Variants in CCDC183 observed in about 807,000 individuals in gnomAD.
The protein encoded by CCDC183 is coiled-coil domain containing 183.
In CCDC183, 63 loss-of-function variants were observed where a neutral mutation model predicts 65.2. That is an observed-to-expected ratio of 0.97 (90% confidence interval 0.79 to 1.19). CCDC183 has a LOEUF of 1.19. CCDC183 is among the 50% of genes most tolerant of loss of function. The pLI, the probability that CCDC183 is intolerant of heterozygous loss-of-function variation, is 0.00. For missense variants in CCDC183, 769 were observed against 689.3 expected, an observed-to-expected ratio of 1.12 and a Z score of -1.30; for synonymous variants, 323 against 276.5, an observed-to-expected ratio of 1.17 and a Z score of -1.67.
rs766627085 is a variant in CCDC183, at chr9:136,806,703, C to G, written c.1278+31C>G. On this transcript the variant is annotated intron_variant, in intron 11 of 13. Transcript: ENST00000338005. Reference sequence around the variant, plus strand: ...GGGAGTGAGGCTGAGCTGCCACACACCAGGTCCCTGGGCAGGGCCAGAGGG... The same window carrying G: ...GGGAGTGAGGCTGAGCTGCCACACAGCAGGTCCCTGGGCAGGGCCAGAGGG... 403 of 1,613,356 alleles carry G rather than the reference C, an allele frequency of 2.5e-4. 1 individual carries two copies. Among genetic ancestry groups the G allele is most frequent in the Non-Finnish European group, 4.2e-5 (50 of 1,179,968 alleles).
At chr9:136,800,317 G>T in intron 4 of CCDC183, 72 bp from the exon 5 acceptor site, 1 of 1,496,588 alleles carries the variant, frequency 6.7e-7, no homozygotes. Flanking sequence ...CCTCTCCGGA[G>T]AAAACCCAGC....
At position 136,805,443 on chromosome 9, in the gene CCDC183, T is replaced by C; in HGVS notation, c.934T>C (p.Cys312Arg). 6.2e-7 allele frequency: 1 copy of C among 1,613,758 alleles called. No homozygotes were observed. The highest frequency in any genetic ancestry group is 8.5e-7 in the Non-Finnish European group (1 of 1,179,814). The change falls in exon 9 of 14, where the codon TGC (cysteine) becomes CGC (arginine). Residue 312 changes from cysteine to arginine, a missense_variant. Cys to Arg is a radical substitution (Grantham distance 180). Transcript: ENST00000338005. Reference protein sequence around the residue: ...VVEKVKSAVRCSHVWDITSRF... With the variant: ...VVEKVKSAVRRSHVWDITSRF... ...GGAGAAGGTCAAGAGTGCTGTACGG[T>C]GCTCTCACGTCTGGGTAATGCCCCT...
In CCDC183 at chr9:136,804,794, G is replaced by A; in HGVS notation, c.825G>A (p.Leu275=). Residue 275 remains leucine (L), a synonymous_variant, in exon 8 of 14, where the codon CTG becomes CTA. Coordinates refer to ENST00000338005, the MANE Select transcript of CCDC183 (RefSeq NM_001039374.5). The surrounding 1 kb of genome is among the most constrained non-coding windows in gnomAD (Gnocchi z 4.1). Reference sequence around the variant, plus strand: ...TGGACTTGGACTTCCCCTCGAACCTGATGAGCACGGAGACCCTGAAATGTA... The same window carrying A: ...TGGACTTGGACTTCCCCTCGAACCTAATGAGCACGGAGACCCTGAAATGTA... ...GQMDLDFPSN[L]MSTETLKLRR... 4 of 1,613,770 alleles carry A rather than the reference G, an allele frequency of 2.5e-6. No homozygotes were observed. The highest frequency in any genetic ancestry group is 3.4e-6 in the Non-Finnish European group (4 of 1,179,942).
In CCDC183 at chr9:136,800,153, A is replaced by C. The variant is rs1378579438; in HGVS notation, c.422A>C (p.Glu141Ala). The change falls in exon 4 of 14, where the codon GAG (glutamate) becomes GCG (alanine). Residue 141 changes from glutamate (E) to alanine (A), a missense_variant. Transcript: ENST00000338005. ...AGCCAGCCCGACGCCAGCAAGGAGG[A>C]GCTGCGGCTGCTGCAGGTGGAGAGG... is the stretch of plus-strand genomic sequence containing the variant. ...LRSQPDASKEELRLLQIIRQL... is the reference protein window; with the variant it reads ...LRSQPDASKEALRLLQIIRQL... 1.0e-5 allele frequency: 14 copies of C among 1,358,356 alleles called. No individual in the cohort carries two copies. Among genetic ancestry groups the C allele is most frequent in the South Asian group, 6.2e-5 (5 of 81,122 alleles). 84.1% of individuals were successfully genotyped at this position (1,358,356 alleles called of 1,614,324 possible).
chr9:136,806,966 G>C lies in CCDC183; in HGVS notation c.1390-4G>C. ...GCACGGCTGAAGGGGGCTTTGCCCT[G>C]CAGGGCGACACAAAGGTGAGGGACA... On this transcript the variant is annotated splice_region_variant and splice_polypyrimidine_tract_variant and intron_variant, in intron 12 of 13. Transcript: ENST00000338005. 6.2e-7 allele frequency: 1 copy of C among 1,613,672 alleles called. No individual in the cohort carries two copies. Among genetic ancestry groups the C allele is most frequent in the Non-Finnish European group, 8.5e-7 (1 of 1,180,018 alleles).
At chr9:136,805,195 G>A (rs1341338397) in intron 8 of CCDC183, 162 bp from the exon 9 acceptor site, 2 of 630,824 alleles carry the variant, frequency 3.2e-6, no homozygotes, top group Non-Finnish European at 5.6e-6. Context: ...GGGCTGGGCT[G>A]AGGAGGGAGC....
Position 136,804,060 on chromosome 9 carries a change from C to T in CCDC183, c.667-442C>T, listed in dbSNP as rs1847798451. On this transcript the variant is annotated intron_variant, in intron 6 of 13. Transcript: ENST00000338005. The surrounding 1 kb of genome is among the most constrained non-coding windows in gnomAD (Gnocchi z 4.1). ...GCTGAGAACTCCTCAAGAGGCAACC[C>T]CACTAAGCGCTGGCAACGAGAGTGG... 1 of 187,756 alleles carries T rather than the reference C, an allele frequency of 5.3e-6. No individual in the cohort carries two copies. The highest frequency in any genetic ancestry group is 1.1e-5 in the Non-Finnish European group (1 of 88,864). 11.6% of individuals were successfully genotyped at this position (187,756 alleles called of 1,614,324 possible).
At chr9:136,805,798 G>GCA (rs1269604970) in intron 9 of CCDC183, among the ~76,000 whole-genome samples, 16 of 152,124 alleles carry the variant, frequency 1.1e-4, no homozygotes, top group African/African-American at 3.6e-4. Flanking sequence ...TACCCTCTCT[G>GCA]CCTGCCATTA....
intron 8 of CCDC183, chr9:136,805,018 C>T (rs1847817274): frequency 1.6e-6 from 1 of 607,856 alleles, no homozygotes; most frequent in South Asian, 2.0e-5. Flanking sequence ...GCCCCAGCAC[C>T]CAAGGGCCCT....
intron 8 of CCDC183, 97 bp from the exon 9 acceptor site, chr9:136,805,260 C>T: frequency 9.9e-7 from 1 of 1,012,396 alleles, no homozygotes; most frequent in Non-Finnish European, 1.5e-6. Flanking sequence ...GGGTGGCCGC[C>T]CCAGCAGCTG....
chr9:136,805,363 G>GA lies in CCDC183; in HGVS notation c.858dup (p.Glu287ArgfsTer34), dbSNP rs752396335. On this transcript the variant is annotated frameshift_variant, in exon 9 of 14. Transcript: ENST00000338005. LOFTEE classifies it high-confidence loss of function. The stretch of plus-strand genomic sequence containing the variant: ...CTCCCCTCTGCTCTGCCAGTGAGGA[G>GA]AAAAGAGACCTCCACAGCAGAAATG... 2 of 1,613,160 alleles carry GA rather than the reference G, an allele frequency of 1.2e-6. No homozygotes were observed. Among genetic ancestry groups the GA allele is most frequent in the Non-Finnish European group, 1.7e-6 (2 of 1,179,684 alleles).
rs532281379 is a variant in CCDC183 at position 136,806,595 on chromosome 9, G to A, written c.1201G>A (p.Glu401Lys). The change falls in exon 11 of 14, where the codon GAG becomes AAG. Residue 401 changes from glutamate (E) to lysine (K), a missense_variant. Transcript: ENST00000338005. ...LAHSNMTKGQ[E>K]LLLTIQMGID... is the part of the protein sequence containing the mutation. ...GCACAGCAACATGACCAAGGGCCAG[G>A]AGCTGCTGCTGACCATCCAGATGGG... 1.2e-6 allele frequency: 2 copies of A among 1,613,754 alleles called. No individual in the cohort carries two copies. The highest frequency in any genetic ancestry group is 1.3e-5 in the African/African-American group (1 of 75,064).
chr9:136,799,318 C>A, intron 2 of CCDC183, 95 bp downstream of exon 2: 2 of 1,473,196 alleles, frequency 1.4e-6, no homozygotes, highest in Non-Finnish European at 9.0e-7. Context: ...TCCACCCCCA[C>A]CCCAATCTTT....
At chr9:136,803,337 C>A (rs190185110) in intron 6 of CCDC183, among the ~76,000 whole-genome samples, 1 of 152,270 alleles carries the variant, frequency 6.6e-6, no homozygotes, top group East Asian at 1.9e-4. Context: ...TCTCAGGAGA[C>A]CCCCATGCCC....
chr9:136,804,688 G>A lies in CCDC183; in HGVS notation c.792+61G>A, dbSNP rs1847811256. 6.2e-7 allele frequency: 1 copy of A among 1,612,902 alleles called. No individual in the cohort carries two copies. Among genetic ancestry groups the A allele is most frequent in the East Asian group, 2.2e-5 (1 of 44,872 alleles). ...CCCCATGACAGCTGGGTGGACACAG[G>A]CTCAGGGCCACCACTCAGGGCCCAC... On this transcript the variant is annotated intron_variant, in intron 7 of 13. Coordinates refer to ENST00000338005, the MANE Select transcript of CCDC183 (RefSeq NM_001039374.5). The surrounding 1 kb of genome is among the most constrained non-coding windows in gnomAD (Gnocchi z 4.1).
chr9:136,807,375 G>C (rs1165104151), intron 13 of CCDC183, 197 bp from the exon 14 acceptor site: 15 of 744,018 alleles, frequency 2.0e-5, no homozygotes, highest in Non-Finnish European at 3.0e-5. Context: ...GCTTCCACTG[G>C]GGGTTCTGCG....
At chr9:136,801,891 G>A (rs1276150127) in intron 5 of CCDC183, among the ~76,000 whole-genome samples, 3 of 151,784 alleles carry the variant, frequency 2.0e-5, no homozygotes, top group Non-Finnish European at 2.9e-5. Context: ...GGGTTCAAGC[G>A]ATTCTCCTGC....
rs1266270203 is a variant in CCDC183, at chr9:136,800,415, C to G, written c.465C>G (p.Ile155Met). The change falls in exon 5 of 14, where the codon ATC becomes ATG. Residue 155 changes from isoleucine to methionine, a missense_variant. Transcript: ENST00000338005. The stretch of plus-strand genomic sequence containing the variant: ...TCATCCGCCAGCTGGAGAACAACAT[C>G]GAGAAGACAATGATCAAGATCATCA... The part of the protein sequence containing the change: ...LQIIRQLENN[I>M]EKTMIKIITS... 1 of 1,612,158 alleles carries G rather than the reference C, an allele frequency of 6.2e-7. No individual in the cohort carries two copies.
intron 2 of CCDC183, 196 bp downstream of exon 2, chr9:136,799,419 C>T: frequency 1.0e-6 from 1 of 954,772 alleles, no homozygotes; most frequent in Non-Finnish European, 1.5e-6. Flanking sequence ...GGTTTCCCAC[C>T]ACCCAACCCG....
Sources: allele counts gnomAD v4.1 joint callset (sites outside exome capture counted in the v4.1 genomes callset), GRCh38; gene constraint gnomAD v4.1.1; non-coding constraint Gnocchi (gnomAD v3.1); transcripts MANE v1.5; gene names NCBI Gene and HGNC (gene_info 2026-07-23, HGNC 2026-07-21).